The following DSCAML1 variants were observed in gnomAD, a reference collection of about 807,000 sequenced individuals.
DSCAML1 encodes DS cell adhesion molecule like 1, also known as cell adhesion molecule DSCAML1.
In DSCAML1, 38 loss-of-function variants were observed where a neutral mutation model predicts 200.5. The observed-to-expected ratio is 0.19, with a 90% CI of 0.15 to 0.25. The LOEUF (loss-of-function observed/expected upper bound fraction) is 0.25. Among genes scored for constraint, DSCAML1 ranks in the 10% least tolerant of loss-of-function variants. The pLI, the probability that DSCAML1 is intolerant of heterozygous loss-of-function variation, is 1.00. For missense variants in DSCAML1, 2,223 were observed against 2,858.8 expected (o/e 0.78, Z 5.07); for synonymous variants, 1,215 against 1,165.0 (o/e 1.04, Z -0.87).
chr11:117,709,973 CT>C (rs1283836739), intron 3 of DSCAML1, among the ~76,000 whole-genome samples: 1 of 152,200 alleles, frequency 6.6e-6, no homozygotes, highest in African/African-American at 2.4e-5. Flanking sequence ...AATCCCTGGA[CT>C]TTGCCTGGCC....
rs1292494526 is a variant in DSCAML1 at position 117,480,925 on chromosome 11, C to G, written c.2656+249G>C. 6.6e-6 allele frequency among the ~76,000 whole-genome samples: 1 copy of G among 152,226 alleles called. No homozygotes were observed. Among genetic ancestry groups the G allele is most frequent in the Non-Finnish European group, 1.5e-5 (1 of 68,040 alleles). On this transcript the variant is annotated intron_variant, in intron 13 of 32. Transcript: ENST00000651296. The surrounding 1 kb of genome is among the most constrained non-coding windows in gnomAD (Gnocchi z 4.1). ...AGGAACCTGACTCCCCCACCCCTCC[C>G]CAGAAGGGTCAGTGGAATCTATAGC...
At chr11:117,452,200 A>G (rs953530151) in intron 19 of DSCAML1, among the ~76,000 whole-genome samples, 4 of 152,200 alleles carry the variant, frequency 2.6e-5, no homozygotes, top group African/African-American at 9.7e-5. Context: ...CAGTTATTGA[A>G]CGAGGTGTGT....
At chr11:117,814,229 ACT>A (rs1292369752) in intron 1 of DSCAML1, among the ~76,000 whole-genome samples, 3 of 151,350 alleles carry the variant, frequency 2.0e-5, no homozygotes, top group Admixed American at 6.6e-5. Context: ...CCCTTCGCTG[ACT>A]CTCTTTTTGG....
intron 24 of DSCAML1, among the ~76,000 whole-genome samples, chr11:117,438,516 C>T (rs966982354): frequency 2.6e-5 from 4 of 152,092 alleles, no homozygotes; most frequent in African/African-American, 7.2e-5. Context: ...CAGCCCAGAG[C>T]GCTGAGTCAG....
chr11:117,466,246 A>T (rs775965460), intron 16 of DSCAML1, among the ~76,000 whole-genome samples: 16 of 152,232 alleles, frequency 1.1e-4, no homozygotes, highest in Non-Finnish European at 1.8e-4. Context: ...GTGCAATACA[A>T]TGGGATAGTA....
intron 11 of DSCAML1, among the ~76,000 whole-genome samples, chr11:117,497,402 G>A (rs1026112058): frequency 6.6e-6 from 1 of 152,206 alleles, no homozygotes; most frequent in African/African-American, 2.4e-5. Context: ...GCCCAAGGAG[G>A]TTTACTGACT....
At chr11:117,511,914 T>TCTC (rs1241730344) in intron 8 of DSCAML1, among the ~76,000 whole-genome samples, 1 of 152,242 alleles carries the variant, frequency 6.6e-6, no homozygotes, top group Non-Finnish European at 1.5e-5. Flanking sequence ...CACGCACGAG[T>TCTC]GCTCACACAC....
intron 11 of DSCAML1, among the ~76,000 whole-genome samples, chr11:117,484,122 G>C (rs2048990185): frequency 6.6e-6 from 1 of 151,484 alleles, no homozygotes; most frequent in African/African-American, 2.4e-5. Context: ...TATTCTCAGG[G>C]TTTTTCTCTC....
chr11:117,530,880 C>T (rs567476799), intron 4 of DSCAML1, among the ~76,000 whole-genome samples: 2 of 152,300 alleles, frequency 1.3e-5, no homozygotes, highest in East Asian at 1.9e-4. Context: ...GGTGTTCTGA[C>T]TTAGCGTTCA....
At chr11:117,429,271 G>T (rs1309070160) in intron 32 of DSCAML1, among the ~76,000 whole-genome samples, 2 of 152,208 alleles carry the variant, frequency 1.3e-5, no homozygotes, top group African/African-American at 4.8e-5. Flanking sequence ...CCACCATGGA[G>T]CCTGGTTCTG....
rs758161635 is a variant in DSCAML1 at position 117,504,122 on chromosome 11, C to T, written c.2183-101G>A. On this transcript the variant is annotated intron_variant, in intron 10 of 32. Coordinates refer to ENST00000651296, the MANE Select transcript of DSCAML1 (RefSeq NM_020693.4). This position sits in a 1 kb window ranked among gnomAD's most constrained non-coding sequence, Gnocchi z 5.0. ...ACACCTCGCTCTTGCAGATCTAGGGCCATTTTGTAGCAGAGCTGCACCATC... is the reference window on the plus strand; with the variant it reads ...ACACCTCGCTCTTGCAGATCTAGGGTCATTTTGTAGCAGAGCTGCACCATC... The T allele has an allele frequency of 8.4e-5, 117 of 1,394,862 alleles. No individual in the cohort carries two copies. The highest frequency in any genetic ancestry group is 1.1e-4 in the Non-Finnish European group (107 of 1,015,766). The allele number at this position is 1,394,862 out of a possible 1,614,324, so 86.4% of individuals were successfully genotyped here.
chr11:117,780,278 AAGAAAG>A lies in DSCAML1; in HGVS notation c.364+209_364+214del, dbSNP rs2055222367. Among the ~76,000 whole-genome samples, 1 of 96,756 alleles carries A rather than the reference AAGAAAG, an allele frequency of 1.0e-5. No individual in the cohort carries two copies. Among genetic ancestry groups the A allele is most frequent in the African/African-American group, 3.2e-5 (1 of 30,970 alleles). 63.5% of individuals were successfully genotyped at this position (96,756 alleles called of 152,430 possible). A position where few individuals can be genotyped will look rare whatever the true frequency, so the allele number is the denominator to read the frequency against. ...AAAGAAAGAAAGAAAGAAAGAAAGA[AAGAAAG>A]AAAGAAAGAAAGAAAGAAAGAGAGA... On this transcript the variant is annotated intron_variant, in intron 2 of 32. Coordinates refer to ENST00000651296, the MANE Select transcript of DSCAML1 (RefSeq NM_020693.4). This position sits in a 1 kb window ranked among gnomAD's most constrained non-coding sequence, Gnocchi z 4.8.
At chr11:117,699,504 A>T (rs2053634633) in intron 3 of DSCAML1, among the ~76,000 whole-genome samples, 1 of 152,232 alleles carries the variant, frequency 6.6e-6, no homozygotes, top group Non-Finnish European at 1.5e-5. Context: ...AGACGGTGGC[A>T]GTCACAGGAG....
intron 16 of DSCAML1, among the ~76,000 whole-genome samples, chr11:117,468,124 C>T (rs958411115): frequency 7.2e-5 from 11 of 152,174 alleles, no homozygotes; most frequent in African/African-American, 2.4e-4. Context: ...CCTCTCCAAA[C>T]AGCCACAGTC....
intron 3 of DSCAML1, among the ~76,000 whole-genome samples, chr11:117,650,045 C>G (rs2052597673): frequency 6.6e-6 from 1 of 152,228 alleles, no homozygotes; most frequent in Admixed American, 6.5e-5. Context: ...AGGCCACTAA[C>G]TGGGTTTCAG....
intron 3 of DSCAML1, among the ~76,000 whole-genome samples, chr11:117,568,865 A>G (rs1177169772): frequency 1.3e-5 from 2 of 152,224 alleles, no homozygotes; most frequent in Admixed American, 6.5e-5. Context: ...ATTGGAAAAA[A>G]CTACTTTAAA....
At chr11:117,566,688 A>G (rs1267153775) in intron 3 of DSCAML1, among the ~76,000 whole-genome samples, 1 of 150,734 alleles carries the variant, frequency 6.6e-6, no homozygotes, top group East Asian at 1.9e-4. Context: ...CTAACTCATC[A>G]TCTAGCATTA....
chr11:117,758,735 C>CT (rs1293654698), intron 3 of DSCAML1, among the ~76,000 whole-genome samples: 1 of 152,104 alleles, frequency 6.6e-6, no homozygotes, highest in Non-Finnish European at 1.5e-5. Flanking sequence ...TTGGTTATCT[C>CT]TTAAGGATAG....
At chr11:117,484,930 TG>T (rs2049011339) in intron 11 of DSCAML1, among the ~76,000 whole-genome samples, 4 of 129,846 alleles carry the variant, frequency 3.1e-5, no homozygotes, top group African/African-American at 1.3e-4. Context: ...TGTGTGTGTG[TG>T]TGTGTGTGTG....
Sources: gnomAD v4.1 joint callset for allele counts (sites outside exome capture counted in the v4.1 genomes callset) on GRCh38, gnomAD v4.1.1 for gene constraint, Gnocchi (gnomAD v3.1) non-coding constraint, MANE v1.5 for transcripts, NCBI Gene and HGNC (gene_info 2026-07-23, HGNC 2026-07-21) for gene names.